SLC9B1: variants seen among roughly 807,000 people sequenced by gnomAD.
The protein encoded by SLC9B1 is solute carrier family 9 member B1, also known as sodium/hydrogen exchanger 9B1.
A neutral mutation model predicts 51.7 loss-of-function variants in SLC9B1; 32 were observed. The ratio of observed to expected loss-of-function variants is 0.62; its 90% confidence interval spans 0.47 to 0.83. The LOEUF is 0.83. SLC9B1 is among the 40% of genes least tolerant of loss of function. SLC9B1 has a pLI of 0.00. For synonymous variants in SLC9B1, 145 were observed against 212.7 expected (o/e 0.68, Z 2.77); for missense variants, 406 against 613.2 (o/e 0.66, Z 3.57).
Position 102,973,531 on chromosome 4 carries a change from CTTAAT to C in SLC9B1, c.211+16264_211+16268del, listed in dbSNP as rs577360715. Reference sequence around the variant, plus strand: ...GATTTTAACCACCGTATTAAAAAAGCTTAATTTAAAGGAAATATATAGACTTCCAT... The same window carrying C: ...GATTTTAACCACCGTATTAAAAAAGCTTAAAGGAAATATATAGACTTCCAT... On this transcript the variant is annotated intron_variant, in intron 3 of 11. Coordinates refer to ENST00000296422, the MANE Select transcript of SLC9B1 (RefSeq NM_139173.4). Among the ~76,000 whole-genome samples the C allele has an allele frequency of 3.3e-3, 505 of 152,084 alleles. 5 individuals are homozygous for C. Among genetic ancestry groups the C allele is most frequent in the Middle Eastern group, 0.014 (4 of 292 alleles).
intron 3 of SLC9B1, among the ~76,000 whole-genome samples, chr4:102,950,703 AATGGACCAGGCTGGGC>A (rs1737506631): frequency 2.0e-5 from 3 of 152,140 alleles, no homozygotes; most frequent in African/African-American, 7.2e-5. Flanking sequence ...TTACTAAAAG[AATGGACCAGGCTGGGC>A]ATGGTGGCTC....
chr4:102,921,031 C>G (rs1470391338), intron 7 of SLC9B1, among the ~76,000 whole-genome samples: 1 of 152,100 alleles, frequency 6.6e-6, no homozygotes, highest in Non-Finnish European at 1.5e-5. Flanking sequence ...GCAAGGCAGG[C>G]CAACATTCAA....
At chr4:102,927,053 A>G (rs1316445631) in intron 7 of SLC9B1, among the ~76,000 whole-genome samples, 1 of 152,252 alleles carries the variant, frequency 6.6e-6, no homozygotes, top group Non-Finnish European at 1.5e-5. Context: ...CCATATGTAG[A>G]AAGCTGAAAC....
At chr4:102,992,512 G>A (rs909100963) in intron 1 of SLC9B1, among the ~76,000 whole-genome samples, 6 of 152,180 alleles carry the variant, frequency 3.9e-5, no homozygotes, top group South Asian at 2.1e-4. Flanking sequence ...AATTGTTAAC[G>A]AAAAGGAACA....
At chr4:102,977,097 T>A (rs1216227022) in intron 3 of SLC9B1, among the ~76,000 whole-genome samples, 1 of 151,236 alleles carries the variant, frequency 6.6e-6, no homozygotes, top group Non-Finnish European at 1.5e-5. Flanking sequence ...TTGCAGTGAG[T>A]TGTGATGGTG....
chr4:102,890,286 A>AT (rs1337403816), intron 11 of SLC9B1: 1 of 152,218 alleles, frequency 6.6e-6, no homozygotes, highest in East Asian at 1.9e-4. Context: ...CCAGCTGCTG[A>AT]TCTATATAGT....
intron 7 of SLC9B1, among the ~76,000 whole-genome samples, chr4:102,931,487 A>G (rs1736456383): frequency 1.3e-5 from 2 of 152,302 alleles, no homozygotes; most frequent in South Asian, 4.2e-4. Context: ...AAGAGAAACT[A>G]TAAAACTATA....
intron 6 of SLC9B1, 134 bp from the exon 7 acceptor site, chr4:102,932,433 A>G: frequency 1.2e-6 from 1 of 835,046 alleles, no homozygotes; most frequent in Non-Finnish European, 1.9e-6. Context: ...ATGCAATTTA[A>G]TGGTGATAAA....
intron 7 of SLC9B1, among the ~76,000 whole-genome samples, chr4:102,929,865 A>G (rs1330372225): frequency 6.6e-6 from 1 of 152,364 alleles, no homozygotes; most frequent in South Asian, 2.1e-4. Context: ...GTATTTTTTG[A>G]AAGAATGACA....
chr4:102,980,835 A>C (rs1224887432), intron 3 of SLC9B1, among the ~76,000 whole-genome samples: 1 of 152,174 alleles, frequency 6.6e-6, no homozygotes, highest in East Asian at 1.9e-4. Context: ...TGATAAACCT[A>C]TATTAACACA....
At chr4:102,916,098 G>A (rs1735564769) in intron 7 of SLC9B1, among the ~76,000 whole-genome samples, 1 of 152,114 alleles carries the variant, frequency 6.6e-6, no homozygotes. Flanking sequence ...CTCCCTATCA[G>A]TAACTACTTT....
At chr4:102,976,128 G>A (rs986392979) in intron 3 of SLC9B1, among the ~76,000 whole-genome samples, 1 of 152,130 alleles carries the variant, frequency 6.6e-6, no homozygotes, top group African/African-American at 2.4e-5. Context: ...AGTGATCATT[G>A]GTGTCAAAAG....
chr4:102,991,756 A>T lies in SLC9B1; in HGVS notation c.-1-44T>A, dbSNP rs879807315. 4 of 1,339,310 alleles carry T rather than the reference A, an allele frequency of 3.0e-6. No individual in the cohort carries two copies. In the African/African-American group the frequency reaches 5.9e-5, roughly 20 times the overall value. 83.0% of individuals were successfully genotyped at this position (1,339,310 alleles called of 1,614,324 possible). ...ATACTTTAAAAGAAGAAACAAGACT[A>T]TAAATCCATATGAAAACAAACATGG... On this transcript the variant is annotated intron_variant, in intron 1 of 11. Transcript: ENST00000296422.
At chr4:102,909,793 G>A (rs1735249149) in intron 9 of SLC9B1, among the ~76,000 whole-genome samples, 1 of 152,138 alleles carries the variant, frequency 6.6e-6, no homozygotes, top group Admixed American at 6.6e-5. Context: ...TCTTTTACAA[G>A]CATTTCTATT....
At chr4:102,990,485 A>G (rs1739889441) in intron 2 of SLC9B1, among the ~76,000 whole-genome samples, 1 of 152,082 alleles carries the variant, frequency 6.6e-6, no homozygotes, top group Admixed American at 6.6e-5. Flanking sequence ...TTTTAATGGT[A>G]GCCTGATTAT....
chr4:102,889,774 A>C (rs1476603199), intron 11 of SLC9B1: 1 of 152,216 alleles, frequency 6.6e-6, no homozygotes, highest in African/African-American at 2.4e-5. Flanking sequence ...CATTATTAGC[A>C]GTTTGCATTA....
downstream of SLC9B1, among the ~76,000 whole-genome samples, chr4:102,896,442 C>T (rs1325746773): frequency 2.6e-5 from 4 of 151,738 alleles, no homozygotes; most frequent in African/African-American, 9.7e-5. Flanking sequence ...AATGTAGTCT[C>T]AAAATAAATA....
chr4:102,992,309 C>T (rs1472041697), intron 1 of SLC9B1, among the ~76,000 whole-genome samples: 4 of 152,032 alleles, frequency 2.6e-5, no homozygotes, highest in Non-Finnish European at 5.9e-5. Context: ...TTTCTACCTC[C>T]TCTGTAATCT....
chr4:102,979,138 C>A (rs942824478), intron 3 of SLC9B1, among the ~76,000 whole-genome samples: 1 of 152,146 alleles, frequency 6.6e-6, no homozygotes, highest in African/African-American at 2.4e-5. Context: ...TAGGTGAAAA[C>A]CCTTCTCAAG....
Sources: allele counts gnomAD v4.1 joint callset (sites outside exome capture counted in the v4.1 genomes callset), GRCh38; gene constraint gnomAD v4.1.1; transcripts MANE v1.5; gene names NCBI Gene and HGNC (gene_info 2026-07-23, HGNC 2026-07-21).